Variants in TXNDC12 observed in about 807,000 individuals in gnomAD.
TXNDC12 encodes thioredoxin domain containing 12, also known as thioredoxin domain-containing protein 12.
TXNDC12 carries 22 observed loss-of-function variants against 24.2 expected under a neutral mutation model. The ratio of observed to expected loss-of-function variants is 0.91; its 90% confidence interval spans 0.65 to 1.30. The LOEUF (loss-of-function observed/expected upper bound fraction) is 1.30. TXNDC12 is among the 50% of genes most tolerant of loss of function. The probability of loss-of-function intolerance (pLI) is 0.00; values close to 1 mark genes in which losing one functional copy is unlikely to be tolerated. For synonymous variants in TXNDC12, 58 were observed against 73.4 expected (o/e 0.79, Z 1.07); for missense variants, 184 against 205.8 (o/e 0.89, Z 0.65).
chr1:52,055,142 G>C lies in TXNDC12; in HGVS notation c.-46C>G. The C allele has an allele frequency of 7.3e-7, 1 of 1,369,560 alleles. No homozygotes were observed. Among genetic ancestry groups the C allele is most frequent in the Non-Finnish European group, 1.0e-6 (1 of 958,828 alleles). The allele number at this position is 1,369,560 out of a possible 1,614,324, so 84.8% of individuals were successfully genotyped here. ...ACGGGGCTGAGCGGACGCAGGGCCG[G>C]AGTCCCAGCAGACGGTCCACACAGT... On this transcript the variant is annotated 5_prime_UTR_variant, in exon 1 of 7. Transcript: ENST00000371626.
chr1:52,038,898 T>A (rs960073961), intron 2 of TXNDC12, among the ~76,000 whole-genome samples: 1 of 93,876 alleles, frequency 1.1e-5, no homozygotes, highest in Admixed American at 1.7e-4. Context: ...TTTTTTTCTT[T>A]TTCTGTTTTT....
At chr1:52,034,047 A>C in intron 2 of TXNDC12, 1 of 1,379,010 alleles carries the variant, frequency 7.3e-7, no homozygotes, top group Non-Finnish European at 9.3e-7. Flanking sequence ...TTTTATTAAT[A>C]AGGCCTAAGG....
Position 52,024,522 on chromosome 1 carries a change from T to C in TXNDC12, c.343A>G (p.Ile115Val). ...TCATGTGCCTTACCCAGAAAAAGGA[T>C]TCGTGGAATATAACCCCCGTCAGGG... Reference protein sequence around the residue: ...FSPDGGYIPRILFLDPSGKVH... With the variant: ...FSPDGGYIPRVLFLDPSGKVH... The change falls in exon 5 of 7, where the codon ATC becomes GTC. Residue 115 changes from isoleucine (I) to valine (V), a missense_variant. Transcript: ENST00000371626. The C allele has an allele frequency of 6.2e-7, 1 of 1,612,840 alleles. No individual in the cohort carries two copies. Among genetic ancestry groups the C allele is most frequent in the Non-Finnish European group, 8.5e-7 (1 of 1,179,094 alleles).
At chr1:52,035,467 T>C (rs1298864494) in intron 2 of TXNDC12, among the ~76,000 whole-genome samples, 1 of 152,154 alleles carries the variant, frequency 6.6e-6, no homozygotes, top group Non-Finnish European at 1.5e-5. Flanking sequence ...CCCAGCACTT[T>C]GGGAGGCAGA....
At chr1:52,029,122 G>C (rs577731190) in intron 2 of TXNDC12, among the ~76,000 whole-genome samples, 38 of 152,196 alleles carry the variant, frequency 2.5e-4, no homozygotes, top group Admixed American at 1.7e-3. Flanking sequence ...AACAGACTCT[G>C]TCTCAAAGCA....
chr1:52,037,501 G>GGGCCCA (rs2124377318), intron 2 of TXNDC12, among the ~76,000 whole-genome samples: 1 of 152,198 alleles, frequency 6.6e-6, no homozygotes, highest in Non-Finnish European at 1.5e-5. Context: ...ATGAGCCACT[G>GGGCCCA]GGCCCAGCCG....
At chr1:52,055,252 G>T, upstream of TXNDC12, 1 of 612,256 alleles carries the variant, frequency 1.6e-6, no homozygotes. Flanking sequence ...AGACGGATGT[G>T]GGTGGTGCCT....
intron 5 of TXNDC12, among the ~76,000 whole-genome samples, chr1:52,023,795 A>G (rs1685635074): frequency 6.6e-6 from 1 of 152,098 alleles, no homozygotes; most frequent in Non-Finnish European, 1.5e-5. Flanking sequence ...AACAAAGATT[A>G]GGTGGTCATT....
intron 6 of TXNDC12, chr1:52,023,243 A>C (rs1299906535): frequency 2.6e-6 from 1 of 379,550 alleles, no homozygotes; most frequent in Non-Finnish European, 4.8e-6. Context: ...AACTATGGGC[A>C]AGTGACTACC....
At chr1:52,045,763 AAACT>A (rs1484140014) in intron 1 of TXNDC12, among the ~76,000 whole-genome samples, 1 of 152,226 alleles carries the variant, frequency 6.6e-6, no homozygotes, top group East Asian at 1.9e-4. Context: ...CAATTGTAAC[AAACT>A]ATCTTTCAAA....
intron 4 of TXNDC12, among the ~76,000 whole-genome samples, chr1:52,024,948 A>G (rs982639554): frequency 6.6e-6 from 1 of 152,186 alleles, no homozygotes; most frequent in African/African-American, 2.4e-5. Context: ...ATCTATTTAA[A>G]ACCACAGTCA....
At position 52,028,592 on chromosome 1, in the gene TXNDC12, C is replaced by A; in HGVS notation, c.197G>T (p.Cys66Phe). Residue 66 changes from cysteine to phenylalanine, a missense_variant, in exon 3 of 7, where the codon TGT becomes TTT. Cys to Phe is a radical substitution (Grantham distance 205). Transcript: ENST00000371626. ...PLMVIIHKSW[C>F]GACKALKPKF... ...TTTGCACTTACCTTTGCAAGCTCCACACCAGGATTTATGAATAATCACCAT... is the reference window on the plus strand; with the variant it reads ...TTTGCACTTACCTTTGCAAGCTCCAAACCAGGATTTATGAATAATCACCAT... The A allele has an allele frequency of 6.2e-7, 1 of 1,612,912 alleles. No homozygotes were observed. Among genetic ancestry groups the A allele is most frequent in the South Asian group, 1.1e-5 (1 of 90,596 alleles).
intron 2 of TXNDC12, chr1:52,033,089 A>T (rs1223704040): frequency 6.2e-7 from 1 of 1,610,540 alleles, no homozygotes; most frequent in Non-Finnish European, 8.5e-7. Context: ...GGCCGGTCCC[A>T]GCGATTCCGA....
intron 1 of TXNDC12, among the ~76,000 whole-genome samples, chr1:52,042,127 T>A (rs2124383686): frequency 6.6e-6 from 1 of 152,330 alleles, no homozygotes; most frequent in Non-Finnish European, 1.5e-5. Flanking sequence ...CTCCAAGTGT[T>A]AGTATAAGGA....
At chr1:52,053,402 T>C (rs962938173) in intron 1 of TXNDC12, among the ~76,000 whole-genome samples, 1 of 152,156 alleles carries the variant, frequency 6.6e-6, no homozygotes, top group African/African-American at 2.4e-5. Flanking sequence ...CAGTGGCTCA[T>C]GCCTGTAATC....
intron 1 of TXNDC12, among the ~76,000 whole-genome samples, chr1:52,042,725 C>T (rs1468324577): frequency 6.6e-6 from 1 of 152,076 alleles, no homozygotes; most frequent in African/African-American, 2.4e-5. Flanking sequence ...TGGGTTCAAG[C>T]GATTCTCCTG....
chr1:52,033,728 T>C, intron 2 of TXNDC12: 1 of 1,607,916 alleles, frequency 6.2e-7, no homozygotes, highest in Non-Finnish European at 8.5e-7. Context: ...CTCTTGCCGC[T>C]GTACGGCAGC....
Position 52,027,303 on chromosome 1 carries a change from G to A in TXNDC12, c.257C>T (p.Ser86Phe), listed in dbSNP as rs370018032. 3 of 1,613,136 alleles carry A rather than the reference G, an allele frequency of 1.9e-6. No homozygotes were observed. Among genetic ancestry groups the A allele is most frequent in the Admixed American group, 1.7e-5 (1 of 59,980 alleles). The stretch of plus-strand genomic sequence containing the variant: ...AAGATTTACCATAACAAAATTATGG[G>A]AGAGTTCTGAAATTTCCGTAGATTC... ...FAESTEISEL[S>F]HNFVMVNLED... Residue 86 changes from serine to phenylalanine, a missense_variant, in exon 4 of 7, where the codon TCC (serine) becomes TTC (phenylalanine). Ser to Phe is a radical substitution (Grantham distance 155). Transcript: ENST00000371626.
chr1:52,033,090 G>A lies in TXNDC12; in HGVS notation c.159-4460C>T, dbSNP rs747505851. On this transcript the variant is annotated intron_variant, in intron 2 of 6. Transcript: ENST00000371626. Reference sequence around the variant, plus strand: ...CCAAAGTGAATAAAGGCCGGTCCCAGCGATTCCGAGAATCGGGAGCCTCAA... The same window carrying A: ...CCAAAGTGAATAAAGGCCGGTCCCAACGATTCCGAGAATCGGGAGCCTCAA... The A allele has an allele frequency of 5.0e-6, 8 of 1,610,704 alleles. No individual in the cohort carries two copies. The South Asian group carries it at 5.5e-5, about 11-fold the overall frequency.
Sources: allele counts gnomAD v4.1 joint callset (sites outside exome capture counted in the v4.1 genomes callset), GRCh38; gene constraint gnomAD v4.1.1; transcripts MANE v1.5; gene names NCBI Gene and HGNC (gene_info 2026-07-23, HGNC 2026-07-21).